Variants in XYLT1 observed in about 807,000 individuals in gnomAD.
XYLT1 encodes the protein beta-D-xylosyltransferase 1.
XYLT1 carries 36 observed loss-of-function variants against 91.3 expected under a neutral mutation model. The ratio of observed to expected loss-of-function variants is 0.39; its 90% CI spans 0.30 to 0.52. The LOEUF is 0.52. Among genes scored for constraint, XYLT1 ranks in the 20% least tolerant of loss-of-function variants. The pLI is 0.68. For missense variants in XYLT1, 1,242 were observed against 1,284.5 expected (o/e 0.97, Z 0.51); for synonymous variants, 588 against 532.0 (o/e 1.11, Z -1.45).
In XYLT1 at chr16:17,470,548, G is replaced by T. The variant is rs1256442405; in HGVS notation, c.249C>A (p.Gly83=). The T allele has an allele frequency of 4.1e-6, 5 of 1,219,892 alleles. No homozygotes were observed. The highest frequency in any genetic ancestry group is 5.1e-6 in the Non-Finnish European group (5 of 980,966). The allele number at this position is 1,219,892 out of a possible 1,614,324, so 75.6% of individuals were successfully genotyped here. The change falls in exon 1 of 12, where the codon GGC becomes GGA. Residue 83 remains glycine (G), a synonymous_variant. Transcript: ENST00000261381. Reference sequence around the variant, plus strand: ...CCCGTCCTCCTCCTCCTCCGCCGCCGCCTCCTCCTCCTCCTCGGGCTGCAG... The same window carrying T: ...CCCGTCCTCCTCCTCCTCCGCCGCCTCCTCCTCCTCCTCCTCGGGCTGCAG... ...EPAAARGGGG[G]GGGGGGGRGP...
intron 1 of XYLT1, chr16:17,403,362 T>C: frequency 6.6e-6 from 1 of 152,370 alleles, no homozygotes; most frequent in East Asian, 1.9e-4. Flanking sequence ...TTTTAACACC[T>C]GGATTAGTCT....
At position 17,390,192 on chromosome 16, in the gene XYLT1, A is replaced by G. The variant is rs542154482; in HGVS notation, c.364-32142T>C. 4.7e-4 allele frequency among the ~76,000 whole-genome samples: 71 copies of G among 152,306 alleles called. 2 individuals carry two copies. The South Asian group carries it at 0.013, about 29-fold the overall frequency. On this transcript the variant is annotated intron_variant, in intron 1 of 11. Transcript: ENST00000261381. ...ACAAACTCAACAGGGGGAGGCGAGT[A>G]CAAGGAATATAGGGCCCTGAGCCGA... is the stretch of plus-strand genomic sequence containing the variant.
At chr16:17,222,751 C>T (rs1436708276) in intron 3 of XYLT1, among the ~76,000 whole-genome samples, 2 of 135,054 alleles carry the variant, frequency 1.5e-5, no homozygotes, top group African/African-American at 2.9e-5. Context: ...GATCGTGCCA[C>T]AGCACTCCAG....
chr16:17,293,491 CT>C (rs548581536), intron 2 of XYLT1, among the ~76,000 whole-genome samples: 688 of 118,902 alleles, frequency 5.8e-3, no homozygotes, highest in African/African-American at 0.014. Flanking sequence ...TTTCTCCCTC[CT>C]TTTTTTTTTT....
chr16:17,253,770 C>T (rs2033581511), intron 3 of XYLT1, among the ~76,000 whole-genome samples: 1 of 150,956 alleles, frequency 6.6e-6, no homozygotes, highest in Admixed American at 6.6e-5. Context: ...GCACTGACAG[C>T]ATCAGCACCC....
At chr16:17,171,126 C>T (rs960403215) in intron 5 of XYLT1, among the ~76,000 whole-genome samples, 3 of 152,140 alleles carry the variant, frequency 2.0e-5, no homozygotes, top group African/African-American at 7.2e-5. Context: ...TCTAGTACAG[C>T]TTAGGTAACC....
At chr16:17,119,093 C>G (rs1299126173) in intron 10 of XYLT1, among the ~76,000 whole-genome samples, 1 of 152,092 alleles carries the variant, frequency 6.6e-6, no homozygotes, top group East Asian at 1.9e-4. Context: ...TATTCTTTAT[C>G]TCCTCCAGCT....
intron 2 of XYLT1, chr16:17,338,629 CTTTT>C (rs952275345): frequency 5.2e-6 from 2 of 384,340 alleles, no homozygotes; most frequent in Non-Finnish European, 1.0e-5. Flanking sequence ...CACATTCACC[CTTTT>C]TTTTGGGACG....
intron 11 of XYLT1, among the ~76,000 whole-genome samples, chr16:17,113,898 C>T (rs899766418): frequency 4.6e-5 from 7 of 151,628 alleles, no homozygotes; most frequent in East Asian, 1.9e-4. Flanking sequence ...CCTGCCGGGA[C>T]GGTGGGCACC....
chr16:17,387,471 G>A (rs928383000), intron 1 of XYLT1, among the ~76,000 whole-genome samples: 10 of 152,124 alleles, frequency 6.6e-5, no homozygotes, highest in African/African-American at 1.7e-4. Context: ...CCAGCTTTCC[G>A]GAGAAGGGCA....
At chr16:17,233,901 G>A (rs936351727) in intron 3 of XYLT1, among the ~76,000 whole-genome samples, 13 of 152,134 alleles carry the variant, frequency 8.5e-5, no homozygotes, top group Non-Finnish European at 1.2e-4. Context: ...TTAAGCGCAC[G>A]TGCTTGGGGG....
In XYLT1 at chr16:17,259,433, G is replaced by A; in HGVS notation, c.468C>T (p.Val156=). 1 of 1,613,930 alleles carries A rather than the reference G, an allele frequency of 6.2e-7. No individual in the cohort carries two copies. Among genetic ancestry groups the A allele is most frequent in the Non-Finnish European group, 8.5e-7 (1 of 1,180,020 alleles). Residue 156 remains valine (V), a synonymous_variant, in exon 3 of 12, where the codon GTC becomes GTT. Coordinates refer to ENST00000261381, the MANE Select transcript of XYLT1 (RefSeq NM_022166.4). ...TGTCGACATTCTCAAAGTCTTTGGG[G>A]ACAGAGTTCTCGTTGTTGCTGTCTG... ...VRTDSNNENS[V]PKDFENVDNS... is the part of the protein sequence containing the mutation.
chr16:17,178,778 A>G (rs2032001799), intron 5 of XYLT1, among the ~76,000 whole-genome samples: 1 of 152,184 alleles, frequency 6.6e-6, no homozygotes, highest in African/African-American at 2.4e-5. Context: ...CTTTTAATAA[A>G]AACTTTTGAG....
intron 1 of XYLT1, among the ~76,000 whole-genome samples, chr16:17,462,448 G>A (rs1404670182): frequency 2.0e-5 from 3 of 152,310 alleles, no homozygotes; most frequent in South Asian, 2.1e-4. Context: ...GCTTCCAATC[G>A]GGAAGGGGGC....
At chr16:17,330,346 C>G (rs1391941549) in intron 2 of XYLT1, among the ~76,000 whole-genome samples, 2 of 152,186 alleles carry the variant, frequency 1.3e-5, no homozygotes, top group Non-Finnish European at 2.9e-5. Context: ...CAGGTTGATC[C>G]AGACCTCAGA....
At chr16:17,337,781 C>CTTTTTT (rs10675523) in intron 2 of XYLT1, among the ~76,000 whole-genome samples, 2 of 124,456 alleles carry the variant, frequency 1.6e-5, no homozygotes, top group Non-Finnish European at 1.6e-5. Flanking sequence ...TTTTCTTTTT[C>CTTTTTT]TTTTTTTTTT....
intron 1 of XYLT1, among the ~76,000 whole-genome samples, chr16:17,374,296 G>C (rs568366488): frequency 6.6e-6 from 1 of 152,184 alleles, no homozygotes; most frequent in East Asian, 1.9e-4. Context: ...GGGGCCACCA[G>C]GTCAGGGAGT....
intron 2 of XYLT1, among the ~76,000 whole-genome samples, chr16:17,294,124 G>C (rs1395409675): frequency 1.3e-5 from 2 of 152,198 alleles, no homozygotes; most frequent in South Asian, 2.1e-4. Flanking sequence ...ACAAGGCTAA[G>C]CAACTGTTCC....
At chr16:17,186,163 G>GCA (rs2032178326) in intron 5 of XYLT1, among the ~76,000 whole-genome samples, 1 of 152,128 alleles carries the variant, frequency 6.6e-6, no homozygotes, top group Non-Finnish European at 1.5e-5. Flanking sequence ...GAGTGCAGTG[G>GCA]CGCGATCTCG....
Sources: gnomAD v4.1 joint callset for allele counts (sites outside exome capture counted in the v4.1 genomes callset) on GRCh38, gnomAD v4.1.1 for gene constraint, MANE v1.5 for transcripts, NCBI Gene and HGNC (gene_info 2026-07-23, HGNC 2026-07-21) for gene names.